The following ZC4H2 variants were observed in gnomAD, a reference collection of about 807,000 sequenced individuals.
The protein encoded by ZC4H2 is zinc finger C4H2-type containing.
For missense variants in ZC4H2, 137 were observed against 173.9 expected (o/e 0.79, Z 1.19); for synonymous variants, 84 against 66.3 (o/e 1.27, Z -1.30).
At chrX:64,954,713 G>C (rs915313929) in intron 1 of ZC4H2, among the ~76,000 whole-genome samples, 1 of 108,732 alleles carries the variant, frequency 9.2e-6, no homozygotes, top group African/African-American at 3.4e-5. Context: ...CATTTGGACC[G>C]GATAAGAATT....
chrX:64,989,784 G>T (rs924350413), intron 1 of ZC4H2, among the ~76,000 whole-genome samples: 1 of 111,868 alleles, frequency 8.9e-6, no homozygotes, highest in Non-Finnish European at 1.9e-5. Flanking sequence ...TTTCTTCAAC[G>T]TCATTAGCCA....
intron 1 of ZC4H2, among the ~76,000 whole-genome samples, chrX:64,988,650 A>C (rs1426282608): frequency 9.1e-6 from 1 of 109,958 alleles, no homozygotes; most frequent in Admixed American, 9.6e-5. Context: ...AGATTGCAAA[A>C]ATTTTCTCCC....
chrX:64,925,229 T>C (rs973217232), intron 1 of ZC4H2, among the ~76,000 whole-genome samples: 3 of 111,538 alleles, frequency 2.7e-5, no homozygotes, highest in Non-Finnish European at 3.8e-5. Flanking sequence ...GCCAGGTATA[T>C]TGCTGGTTAC....
intron 1 of ZC4H2, among the ~76,000 whole-genome samples, chrX:64,962,445 C>T (rs886768018): frequency 2.0e-4 from 22 of 111,334 alleles, no homozygotes; most frequent in African/African-American, 6.8e-4. Flanking sequence ...AAGCCCACAG[C>T]TAAGTCATAC....
intron 1 of ZC4H2, among the ~76,000 whole-genome samples, chrX:64,950,984 G>A (rs1286808224): frequency 9.1e-6 from 1 of 110,250 alleles, no homozygotes; most frequent in African/African-American, 3.3e-5. Flanking sequence ...AGTCCCCAGA[G>A]TGTGATGTTC....
intron 1 of ZC4H2, among the ~76,000 whole-genome samples, chrX:65,002,356 G>T (rs1343702549): frequency 9.4e-6 from 1 of 106,428 alleles, no homozygotes; most frequent in African/African-American, 3.4e-5. Flanking sequence ...GAGGCAGGGG[G>T]TCAGCCCCCG....
upstream of ZC4H2, among the ~76,000 whole-genome samples, chrX:64,980,634 A>G (rs972195359): frequency 2.7e-5 from 3 of 111,967 alleles, no homozygotes; most frequent in Admixed American, 9.5e-5. Context: ...CTTCACAGGA[A>G]GTATATATTA....
At chrX:64,933,572 T>C (rs1391220874) in intron 1 of ZC4H2, among the ~76,000 whole-genome samples, 1 of 111,383 alleles carries the variant, frequency 9.0e-6, no homozygotes, top group Non-Finnish European at 1.9e-5. Context: ...CGCCAATGTT[T>C]ATTTTAGCCT....
At chrX:64,934,451 C>T (rs779382057) in intron 1 of ZC4H2, among the ~76,000 whole-genome samples, 44 of 112,253 alleles carry the variant, frequency 3.9e-4, no homozygotes, top group Non-Finnish European at 7.9e-4. Flanking sequence ...TACACGTACA[C>T]AGTTGTTCAT....
chrX:64,948,596 T>G (rs1292143429), intron 1 of ZC4H2, among the ~76,000 whole-genome samples: 1 of 111,936 alleles, frequency 8.9e-6, no homozygotes, highest in Non-Finnish European at 1.9e-5. Flanking sequence ...ACAGAAATGA[T>G]GAAAGAGTCA....
intron 1 of ZC4H2, among the ~76,000 whole-genome samples, chrX:65,026,988 G>A (rs1430696266): frequency 1.8e-5 from 2 of 112,182 alleles, no homozygotes; most frequent in South Asian, 3.7e-4. Flanking sequence ...ACCAGACCAC[G>A]ATGAAATATC....
At chrX:64,925,263 G>A (rs1929378732) in intron 1 of ZC4H2, among the ~76,000 whole-genome samples, 1 of 111,806 alleles carries the variant, frequency 8.9e-6, no homozygotes, top group Non-Finnish European at 1.9e-5. Flanking sequence ...ATAATCATTA[G>A]TGGGAGAATG....
intron 1 of ZC4H2, among the ~76,000 whole-genome samples, chrX:64,935,029 C>T (rs1435857576): frequency 9.0e-6 from 1 of 111,064 alleles, no homozygotes; most frequent in Non-Finnish European, 1.9e-5. Context: ...AGTAGTCTTG[C>T]TCAGTGGGTT....
chrX:64,942,308 G>A lies in ZC4H2; in HGVS notation c.54-20320C>T, dbSNP rs190497396. ...TTCTTTTTTATTAGTCTGGCTAGCC[G>A]TCTATTTTGTTAATCTTTCCCAAAA... On this transcript the variant is annotated intron_variant, in intron 1 of 4. Coordinates refer to ENST00000374839, the MANE Select transcript of ZC4H2 (RefSeq NM_018684.4). 6.8e-3 allele frequency among the ~76,000 whole-genome samples: 754 copies of A among 110,415 alleles called. 3 individuals are homozygous for A. Among genetic ancestry groups the A allele is most frequent in the Middle Eastern group, 0.014 (3 of 216 alleles).
chrX:64,976,488 G>T (rs1198559872), upstream of ZC4H2: 1 of 865,324 alleles, frequency 1.2e-6, no homozygotes, highest in Non-Finnish European at 1.7e-6. Flanking sequence ...GAGCCTGTGC[G>T]GTAGGGGCTT....
At chrX:64,979,682 A>T (rs1337077354), upstream of ZC4H2, among the ~76,000 whole-genome samples, 1 of 112,050 alleles carries the variant, frequency 8.9e-6, no homozygotes, top group Non-Finnish European at 1.9e-5. Flanking sequence ...TGGCTTTTCC[A>T]TAGTAAGTGT....
At chrX:64,971,058 C>T (rs935091856) in intron 1 of ZC4H2, among the ~76,000 whole-genome samples, 3 of 112,292 alleles carry the variant, frequency 2.7e-5, no homozygotes, top group African/African-American at 9.7e-5. Flanking sequence ...ATACCTACTA[C>T]TTCATATGCA....
intron 1 of ZC4H2, among the ~76,000 whole-genome samples, chrX:65,028,842 T>G (rs1932907619): frequency 9.0e-6 from 1 of 111,441 alleles, no homozygotes; most frequent in East Asian, 2.8e-4. Context: ...GAAATTTTTT[T>G]GGGGAATCTA....
At chrX:64,940,124 C>T (rs1209241862) in intron 1 of ZC4H2, among the ~76,000 whole-genome samples, 1 of 112,017 alleles carries the variant, frequency 8.9e-6, no homozygotes, top group Non-Finnish European at 1.9e-5. Flanking sequence ...GATACTATCA[C>T]ATTTTGGTTT....
Sources: gnomAD v4.1 joint callset for allele counts (sites outside exome capture counted in the v4.1 genomes callset) on GRCh38, gnomAD v4.1.1 for gene constraint, MANE v1.5 for transcripts, NCBI Gene and HGNC (gene_info 2026-07-23, HGNC 2026-07-21) for gene names.